Variants in OCA2 observed in about 807,000 individuals in gnomAD.
OCA2 encodes P protein.
OCA2 carries 77 observed loss-of-function variants against 100.2 expected under a neutral mutation model. The ratio of observed to expected loss-of-function variants is 0.77; its 90% confidence interval spans 0.64 to 0.93. The LOEUF is 0.93. Ranked by LOEUF, OCA2 falls within the 40% of genes least tolerant of loss-of-function variation. The probability of loss-of-function intolerance (pLI) is 0.00; values close to 1 mark genes in which losing one functional copy is unlikely to be tolerated. For synonymous variants in OCA2, 432 were observed against 439.2 expected (o/e 0.98, Z 0.21); for missense variants, 1,062 against 1,089.1 (o/e 0.98, Z 0.35).
chr15:27,755,391 A>G lies in OCA2; in HGVS notation c.2514T>C (p.Asn838=), dbSNP rs373301562. ...LLVAHVVVGW[N] is the part of the protein sequence containing the mutation. The stretch of plus-strand genomic sequence containing the variant: ...TCGAGCAATAGATGGATGTCTATTA[A>G]TTCCATCCCACCACCACATGAGCCA... The change falls in exon 24 of 24, where the codon AAT becomes AAC. Residue 838 remains asparagine, a synonymous_variant. Coordinates refer to ENST00000354638, the MANE Select transcript of OCA2 (RefSeq NM_000275.3). 7 of 1,606,318 alleles carry G rather than the reference A, an allele frequency of 4.4e-6. No individual in the cohort carries two copies. In the African/African-American group the frequency reaches 8.0e-5, roughly 18 times the overall value.
At chr15:27,744,639 A>G in the OCA2 span, among the ~76,000 whole-genome samples, 3 of 152,200 alleles carry the variant, frequency 2.0e-5, no homozygotes, top group African/African-American at 7.2e-5. Context: ...GGCCCCATGT[A>G]TATGCAGCTG....
intron 9 of OCA2, among the ~76,000 whole-genome samples, chr15:27,997,251 A>AAGAC (rs1178405227): frequency 6.6e-6 from 1 of 151,734 alleles, no homozygotes; most frequent in Non-Finnish European, 1.5e-5. Flanking sequence ...GAAAGAAAGA[A>AAGAC]AGAAAGAAAG....
chr15:27,990,490 A>C, intron 10 of OCA2, 86 bp downstream of exon 10: 1 of 1,365,632 alleles, frequency 7.3e-7, no homozygotes, highest in Non-Finnish European at 1.0e-6. Context: ...ATAGTGAAAA[A>C]ACCAGCGAAA....
Position 27,927,746 on chromosome 15 carries a change from C to T in OCA2, c.1952-1492G>A, listed in dbSNP as rs943382118. Among the ~76,000 whole-genome samples, 3 of 146,386 alleles carry T rather than the reference C, an allele frequency of 2.0e-5. 1 individual carries two copies. The highest frequency in any genetic ancestry group is 4.5e-5 in the Non-Finnish European group (3 of 66,862). ...GTGTAGTGGGATCTTACTGTGGTTT[C>T]CAATTGCATTTTTCTCATGACTAAT... On this transcript the variant is annotated intron_variant, in intron 18 of 23. Coordinates refer to ENST00000354638, the MANE Select transcript of OCA2 (RefSeq NM_000275.3).
intron 23 of OCA2, among the ~76,000 whole-genome samples, chr15:27,805,654 C>A (rs2033809697): frequency 6.6e-6 from 1 of 152,112 alleles, no homozygotes; most frequent in Non-Finnish European, 1.5e-5. Context: ...CTGGCAGATG[C>A]TCTGGGCTGG....
At chr15:28,020,714 T>A (rs2042567164) in intron 6 of OCA2, among the ~76,000 whole-genome samples, 1 of 152,202 alleles carries the variant, frequency 6.6e-6, no homozygotes, top group Non-Finnish European at 1.5e-5. Flanking sequence ...TTTAAAGTGA[T>A]GAAGAAAATA....
intron 23 of OCA2, among the ~76,000 whole-genome samples, chr15:27,768,937 G>A (rs1293599371): frequency 2.0e-5 from 3 of 152,184 alleles, no homozygotes; most frequent in Admixed American, 6.5e-5. Context: ...TGCTTCATGC[G>A]CTGCCCAGCC....
At chr15:27,788,750 T>C (rs2032939300) in intron 23 of OCA2, among the ~76,000 whole-genome samples, 1 of 152,156 alleles carries the variant, frequency 6.6e-6, no homozygotes. Context: ...TCTGCTATTT[T>C]GCTGTTTTCT....
rs1463516541 is a variant in OCA2, at chr15:28,018,535, C to G, written c.669G>C (p.Val223=). 1.2e-6 allele frequency: 2 copies of G among 1,613,434 alleles called. No individual in the cohort carries two copies. Among genetic ancestry groups the G allele is most frequent in the Non-Finnish European group, 1.7e-6 (2 of 1,179,972 alleles). The stretch of plus-strand genomic sequence containing the variant: ...GGTCCACCTGCAGCAGCGTGGAGTC[C>G]ACGTGGCTGCTAAGGTTCACGGCTC... ...ENYSVNLSSH[V]DSTLLQVDLA... is the part of the protein sequence containing the mutation. The change falls in exon 7 of 24, where the codon GTG becomes GTC. Residue 223 remains valine, a synonymous_variant. Transcript: ENST00000354638.
At chr15:27,996,043 A>C (rs4778226) in intron 9 of OCA2, among the ~76,000 whole-genome samples, 91,253 of 151,652 alleles carry the variant, frequency 0.6, 31,620 homozygotes, top group Non-Finnish European at 0.79. Flanking sequence ...GAACTCCTGA[A>C]CTCATGATCC....
intron 2 of OCA2, among the ~76,000 whole-genome samples, chr15:28,072,133 C>T (rs980235393): frequency 3.3e-5 from 5 of 152,250 alleles, no homozygotes; most frequent in South Asian, 2.1e-4. Flanking sequence ...TTTGGGAGGC[C>T]GAAGCGGGTG....
intron 2 of OCA2, among the ~76,000 whole-genome samples, chr15:28,050,516 G>A (rs940458982): frequency 4.0e-5 from 6 of 150,324 alleles, no homozygotes; most frequent in Non-Finnish European, 8.9e-5. Context: ...AGTCGAGATC[G>A]TGCCACTGTA....
At chr15:28,065,599 G>A (rs963408761) in intron 2 of OCA2, among the ~76,000 whole-genome samples, 2 of 152,002 alleles carry the variant, frequency 1.3e-5, no homozygotes, top group Admixed American at 1.3e-4. Context: ...TGTTTTCAAC[G>A]TTTCTGGGGG....
chr15:27,749,718 T>C, the OCA2 span, among the ~76,000 whole-genome samples: 1 of 152,104 alleles, frequency 6.6e-6, no homozygotes, highest in Non-Finnish European at 1.5e-5. Flanking sequence ...AAACTGAAAT[T>C]TAAAACACAG....
intron 18 of OCA2, among the ~76,000 whole-genome samples, chr15:27,940,510 C>T (rs1229223939): frequency 2.6e-5 from 4 of 152,204 alleles, no homozygotes; most frequent in South Asian, 2.1e-4. Flanking sequence ...CATCACAAAA[C>T]GCCAGTGTCT....
the OCA2 span, among the ~76,000 whole-genome samples, chr15:27,736,022 A>C: frequency 6.6e-6 from 1 of 152,254 alleles, no homozygotes; most frequent in Non-Finnish European, 1.5e-5. Context: ...AAGGTAATAC[A>C]TATGGTAATT....
At chr15:27,803,982 T>C (rs1291450011) in intron 23 of OCA2, among the ~76,000 whole-genome samples, 1 of 152,176 alleles carries the variant, frequency 6.6e-6, no homozygotes, top group African/African-American at 2.4e-5. Context: ...GCGTGATGGG[T>C]ATGTCAGCTA....
At chr15:28,087,964 AG>A (rs2044806683) in intron 1 of OCA2, among the ~76,000 whole-genome samples, 3 of 152,072 alleles carry the variant, frequency 2.0e-5, no homozygotes, top group Admixed American at 6.5e-5. Context: ...TGGGAGGCTG[AG>A]GCAGGATAAT....
chr15:28,016,033 A>G (rs904250539), intron 8 of OCA2, 71 bp downstream of exon 8: 7 of 1,204,222 alleles, frequency 5.8e-6, no homozygotes, highest in Non-Finnish European at 8.7e-6. Context: ...TCAGTGTCCT[A>G]TAGGTCAGAC....
Sources: allele counts gnomAD v4.1 joint callset (sites outside exome capture counted in the v4.1 genomes callset), GRCh38; gene constraint gnomAD v4.1.1; transcripts MANE v1.5; gene names NCBI Gene and HGNC (gene_info 2026-07-23, HGNC 2026-07-21).